The following LINGO2 variants were observed in gnomAD, a reference collection of about 807,000 sequenced individuals.
LINGO2 encodes leucine rich repeat and Ig domain containing 2, also known as leucine-rich repeat and immunoglobulin-like domain-containing nogo receptor-interacting protein 2.
LINGO2 carries 14 observed loss-of-function variants against 30.6 expected under a neutral mutation model. The ratio of observed to expected loss-of-function variants is 0.46; its 90% confidence interval spans 0.30 to 0.72. The LOEUF (loss-of-function observed/expected upper bound fraction) is 0.72, where lower values mean the gene tolerates loss of function less well. Ranked by LOEUF, LINGO2 falls within the 30% of genes least tolerant of loss-of-function variation. LINGO2 has a pLI of 0.07. For missense variants in LINGO2, 729 were observed against 751.7 expected (o/e 0.97, Z 0.35); for synonymous variants, 317 against 288.5 (o/e 1.10, Z -1.00).
the LINGO2 span, among the ~76,000 whole-genome samples, chr9:28,822,476 G>A: frequency 6.6e-6 from 1 of 152,192 alleles, no homozygotes; most frequent in African/African-American, 2.4e-5. Context: ...GGATGTCTGT[G>A]AGGGTGTTGC....
At chr9:28,118,127 A>G (rs2133385237) in intron 4 of LINGO2, among the ~76,000 whole-genome samples, 1 of 152,254 alleles carries the variant, frequency 6.6e-6, no homozygotes, top group East Asian at 1.9e-4. Flanking sequence ...TAGCTAACAC[A>G]TGCTGGGCTT....
chr9:28,148,166 C>T lies in LINGO2; in HGVS notation c.-86-135761G>A, dbSNP rs879025874. On this transcript the variant is annotated intron_variant, in intron 4 of 5. Coordinates refer to ENST00000379992, the Ensembl canonical transcript of LINGO2. This position sits in a 1 kb window ranked among gnomAD's most constrained non-coding sequence, Gnocchi z 5.1. ...TTTCCCACTCCTCTTCAACCCTCAG[C>T]GACATCTTGGGCCTTCTTTTCCAGT... The T allele has an allele frequency of 3.0e-5, 26 of 862,836 alleles. No individual in the cohort carries two copies. Among genetic ancestry groups the T allele is most frequent in the South Asian group, 1.8e-4 (9 of 50,736 alleles). The allele number at this position is 862,836 out of a possible 1,614,324, so 53.4% of individuals were successfully genotyped here. A position where few individuals can be genotyped will look rare whatever the true frequency, so the allele number is the denominator to read the frequency against.
intron 1 of LINGO2, among the ~76,000 whole-genome samples, chr9:28,640,732 CTTTATTCAAGGT>C (rs1827534257): frequency 6.6e-6 from 1 of 151,922 alleles, no homozygotes; most frequent in Non-Finnish European, 1.5e-5. Flanking sequence ...TTCGTCTAAT[CTTTATTCAAGGT>C]TTTTAACTTC....
intron 4 of LINGO2, among the ~76,000 whole-genome samples, chr9:28,273,902 A>T (rs1823028046): frequency 1.3e-5 from 2 of 152,170 alleles, no homozygotes; most frequent in African/African-American, 2.4e-5. Context: ...AATTTACCAG[A>T]CACAGCAATA....
At chr9:28,501,520 A>G (rs1475583935) in intron 1 of LINGO2, among the ~76,000 whole-genome samples, 11 of 152,206 alleles carry the variant, frequency 7.2e-5, no homozygotes, top group Non-Finnish European at 8.8e-5. Flanking sequence ...ATAGATCTAA[A>G]GTGCCAAAAG....
the LINGO2 span, among the ~76,000 whole-genome samples, chr9:29,112,299 T>C: frequency 1.3e-5 from 2 of 152,118 alleles, no homozygotes; most frequent in South Asian, 2.1e-4. Flanking sequence ...ACTTGTGAAC[T>C]TGGCAGAAGT....
At chr9:27,977,919 T>C (rs1273048942) in intron 5 of LINGO2, among the ~76,000 whole-genome samples, 1 of 152,066 alleles carries the variant, frequency 6.6e-6, no homozygotes, top group Non-Finnish European at 1.5e-5. Flanking sequence ...TTAAGAGATG[T>C]TGCAAGCCGT....
Position 28,665,512 on chromosome 9 carries a change from A to G in LINGO2, c.-365+4688T>C, listed in dbSNP as rs997866730. ...TGGAGTGGTGAGACTGAAGGAAAAT[A>G]TGTACCATGGTCTCCTTAATGGAGA... On this transcript the variant is annotated intron_variant, in intron 1 of 5. Coordinates refer to ENST00000379992, the Ensembl canonical transcript of LINGO2. Among the ~76,000 whole-genome samples, 4 of 152,156 alleles carry G rather than the reference A, an allele frequency of 2.6e-5. No homozygotes were observed. The East Asian group carries it at 7.7e-4, about 29-fold the overall frequency.
intron 5 of LINGO2, among the ~76,000 whole-genome samples, chr9:27,951,726 C>A (rs10757700): frequency 0.49 from 74,374 of 151,922 alleles, 21,474 homozygotes; most frequent in Non-Finnish European, 0.62. Flanking sequence ...CCACGAACAC[C>A]ATATTTTAAT....
At chr9:28,865,816 A>T in the LINGO2 span, among the ~76,000 whole-genome samples, 2 of 152,094 alleles carry the variant, frequency 1.3e-5, no homozygotes, top group African/African-American at 2.4e-5. Context: ...AACAAAAAAC[A>T]ATCATCTCAA....
chr9:28,895,545 T>C, the LINGO2 span, among the ~76,000 whole-genome samples: 1 of 152,160 alleles, frequency 6.6e-6, no homozygotes, highest in Admixed American at 6.5e-5. Flanking sequence ...ATCTTCCTCA[T>C]TTTTCCTTTA....
At chr9:29,060,752 A>T in the LINGO2 span, among the ~76,000 whole-genome samples, 3 of 151,912 alleles carry the variant, frequency 2.0e-5, no homozygotes, top group African/African-American at 7.2e-5. Flanking sequence ...ACAATGTTTG[A>T]AATTAAAAAA....
chr9:28,669,360 G>A (rs1055874268), intron 1 of LINGO2, among the ~76,000 whole-genome samples: 2 of 151,910 alleles, frequency 1.3e-5, no homozygotes, highest in Non-Finnish European at 2.9e-5. Context: ...GCCTTCATGA[G>A]GACACAAGTG....
the LINGO2 span, among the ~76,000 whole-genome samples, chr9:28,991,937 C>G: frequency 6.6e-6 from 1 of 152,080 alleles, no homozygotes; most frequent in Non-Finnish European, 1.5e-5. Flanking sequence ...ACCATCGAGG[C>G]TAGGAATAAA....
the LINGO2 span, among the ~76,000 whole-genome samples, chr9:28,843,803 T>A: frequency 1.3e-5 from 2 of 151,866 alleles, no homozygotes. Context: ...TTGCTTATGT[T>A]CTGTTTCCTA....
chr9:29,138,800 T>C, the LINGO2 span, among the ~76,000 whole-genome samples: 1,324 of 152,252 alleles, frequency 8.7e-3, 16 homozygotes, highest in African/African-American at 0.03. Flanking sequence ...ATAATTCTCT[T>C]TGATATTGCT....
At chr9:28,554,376 C>G (rs867320045) in intron 1 of LINGO2, among the ~76,000 whole-genome samples, 29 of 145,432 alleles carry the variant, frequency 2.0e-4, no homozygotes, top group East Asian at 1.9e-3. Context: ...TGACTTTAAA[C>G]CAACAAAGAT....
chr9:28,954,476 T>G, the LINGO2 span, among the ~76,000 whole-genome samples: 1 of 152,012 alleles, frequency 6.6e-6, no homozygotes, highest in Non-Finnish European at 1.5e-5. Flanking sequence ...GCCATTTTGT[T>G]TTTTTTTGCT....
At chr9:28,596,036 AAT>A (rs1825159343) in intron 1 of LINGO2, among the ~76,000 whole-genome samples, 1 of 152,178 alleles carries the variant, frequency 6.6e-6, no homozygotes, top group Admixed American at 6.6e-5. Context: ...TTCTGCATTG[AAT>A]ACACATCACA....
Sources: gnomAD v4.1 joint callset for allele counts (sites outside exome capture counted in the v4.1 genomes callset) on GRCh38, gnomAD v4.1.1 for gene constraint, Gnocchi (gnomAD v3.1) non-coding constraint, MANE v1.5 for transcripts, NCBI Gene and HGNC (gene_info 2026-07-23, HGNC 2026-07-21) for gene names.